The following TCF20 variants were observed in gnomAD, a reference collection of about 807,000 sequenced individuals.
TCF20 encodes the protein SPRE-binding protein.
In TCF20, 3 loss-of-function variants were observed where a neutral mutation model predicts 148.6. The observed-to-expected ratio is 0.02, with a 90% CI of 0.01 to 0.05. The LOEUF is 0.05. TCF20 is among the 10% of genes least tolerant of loss of function. The pLI, the probability that TCF20 is intolerant of heterozygous loss-of-function variation, is 1.00. For synonymous variants in TCF20, 1,049 were observed against 909.5 expected (o/e 1.15, Z -2.76); for missense variants, 2,350 against 2,429.3 (o/e 0.97, Z 0.69).
At chr22:42,257,316 T>C (rs1429864362) in intron 1 of TCF20, among the ~76,000 whole-genome samples, 1 of 152,220 alleles carries the variant, frequency 6.6e-6, no homozygotes, top group African/African-American at 2.4e-5. Context: ...CCCTATTCTT[T>C]ACTGATTTTA....
intron 1 of TCF20, among the ~76,000 whole-genome samples, chr22:42,324,535 G>A (rs1019704912): frequency 2.7e-5 from 4 of 150,820 alleles, no homozygotes; most frequent in South Asian, 2.1e-4. Flanking sequence ...TCCACCAACC[G>A]AGAAAATAAT....
chr22:42,270,940 C>T (rs1372546000), upstream of TCF20, among the ~76,000 whole-genome samples: 2 of 151,926 alleles, frequency 1.3e-5, no homozygotes, highest in East Asian at 1.9e-4. Context: ...GCCTCAGGGC[C>T]GTCTTGGGGG....
At chr22:42,194,387 C>A in intron 2 of TCF20, among the ~76,000 whole-genome samples, 1 of 152,166 alleles carries the variant, frequency 6.6e-6, no homozygotes, top group African/African-American at 2.4e-5. Context: ...CTAAAACCCT[C>A]GCCCTGCCAG....
At chr22:42,293,259 C>G (rs1352010198) in intron 1 of TCF20, among the ~76,000 whole-genome samples, 4 of 152,252 alleles carry the variant, frequency 2.6e-5, no homozygotes, top group Non-Finnish European at 5.9e-5. Flanking sequence ...GTGTGCTCAA[C>G]TGAAACAGGA....
chr22:42,169,175 G>A (rs1474281625), intron 4 of TCF20, among the ~76,000 whole-genome samples: 2 of 151,564 alleles, frequency 1.3e-5, no homozygotes, highest in East Asian at 1.9e-4. Flanking sequence ...AGCCCCTGCA[G>A]GAAACATCAG....
intron 1 of TCF20, among the ~76,000 whole-genome samples, chr22:42,304,900 C>T (rs529987980): frequency 6.6e-6 from 1 of 152,160 alleles, no homozygotes; most frequent in African/African-American, 2.4e-5. Context: ...ACTGGAGTCC[C>T]GTGACCTCCA....
At chr22:42,227,085 C>A (rs1369269486) in intron 1 of TCF20, among the ~76,000 whole-genome samples, 2 of 152,186 alleles carry the variant, frequency 1.3e-5, no homozygotes, top group Non-Finnish European at 2.9e-5. Flanking sequence ...GAGTTCAAGA[C>A]CAGCCTGGCC....
intron 1 of TCF20, among the ~76,000 whole-genome samples, chr22:42,231,523 A>G (rs1005995656): frequency 6.6e-6 from 1 of 152,240 alleles, no homozygotes; most frequent in African/African-American, 2.4e-5. Context: ...ATAGAATAAC[A>G]CAATGACAGA....
Position 42,181,805 on chromosome 22 carries a change from T to C in TCF20, c.5656-2103A>G, listed in dbSNP as rs567487820. 9.3e-4 allele frequency among the ~76,000 whole-genome samples: 141 copies of C among 152,138 alleles called. 1 individual carries two copies. The highest frequency in any genetic ancestry group is 2.9e-3 in the African/African-American group (119 of 41,496). On this transcript the variant is annotated intron_variant, in intron 2 of 5. Transcript: ENST00000677622. ...AAAAAATGTTTTTGTAGAGACAGGG[T>C]CTCACTATGTTGCCCAGGCTGTCCT...
intron 1 of TCF20, among the ~76,000 whole-genome samples, chr22:42,254,486 A>T: frequency 6.6e-6 from 1 of 152,292 alleles, no homozygotes; most frequent in Non-Finnish European, 1.5e-5. Flanking sequence ...TATACTGGGT[A>T]TTGTCCAGCC....
At chr22:42,307,038 TA>T (rs5845532) in intron 1 of TCF20, among the ~76,000 whole-genome samples, 42,973 of 92,758 alleles carry the variant, frequency 0.46, 9,221 homozygotes, top group Middle Eastern at 0.51. Flanking sequence ...GACTCTGTCT[TA>T]AAAAAAAAAA....
intron 1 of TCF20, among the ~76,000 whole-genome samples, chr22:42,228,566 T>G (rs912949634): frequency 1.3e-5 from 2 of 152,248 alleles, no homozygotes; most frequent in Non-Finnish European, 2.9e-5. Flanking sequence ...CCATTCACCA[T>G]CCCTTACAGA....
intron 1 of TCF20, among the ~76,000 whole-genome samples, chr22:42,311,488 G>C (rs569232375): frequency 6.6e-6 from 1 of 152,334 alleles, no homozygotes; most frequent in East Asian, 1.9e-4. Context: ...AGGCTGTGAG[G>C]ATTGGGCCCT....
At chr22:42,306,174 G>A (rs562704485) in intron 1 of TCF20, among the ~76,000 whole-genome samples, 3 of 152,372 alleles carry the variant, frequency 2.0e-5, no homozygotes, top group African/African-American at 4.8e-5. Context: ...AGACGGAGCC[G>A]CTGTGCGCGC....
At chr22:42,323,877 GGT>G (rs1569209632) in intron 1 of TCF20, among the ~76,000 whole-genome samples, 2 of 125,864 alleles carry the variant, frequency 1.6e-5, no homozygotes, top group African/African-American at 5.4e-5. Context: ...TGGTGGTGGT[GGT>G]GGTGATGGAG....
chr22:42,233,544 C>T (rs1923618769), intron 1 of TCF20, among the ~76,000 whole-genome samples: 1 of 152,192 alleles, frequency 6.6e-6, no homozygotes, highest in African/African-American at 2.4e-5. Context: ...CGCACTTTTC[C>T]CTTAACACCT....
intron 1 of TCF20, among the ~76,000 whole-genome samples, chr22:42,341,091 G>C (rs891504031): frequency 6.6e-6 from 1 of 152,108 alleles, no homozygotes; most frequent in South Asian, 2.1e-4. Context: ...CCGGAGGGAC[G>C]GCCCTGCTAG....
chr22:42,241,694 GCA>G (rs1186746527), intron 1 of TCF20, among the ~76,000 whole-genome samples: 1 of 152,016 alleles, frequency 6.6e-6, no homozygotes, highest in East Asian at 1.9e-4. Context: ...AGGTGTAGGG[GCA>G]CACACCTGTG....
In TCF20 at chr22:42,215,114, A is replaced by G. The variant is rs1287490623; in HGVS notation, c.192T>C (p.Ala64=). Residue 64 remains alanine (A), a synonymous_variant, in exon 2 of 6, where the codon GCT becomes GCC. Coordinates refer to ENST00000677622, the MANE Select transcript of TCF20 (RefSeq NM_001378418.1). ...TCTCGCTAGCCATCGCTGCCGCAGC[A>G]GCTGCTGCTCCTCGTCGTCCACCAC... ...GSGGGRRGAA[A]AAAAMASETS... The G allele has an allele frequency of 1.9e-6, 3 of 1,614,076 alleles. No homozygotes were observed. The African/African-American group carries it at 4.0e-5, about 22-fold the overall frequency.
Sources: gnomAD v4.1 joint callset for allele counts (sites outside exome capture counted in the v4.1 genomes callset) on GRCh38, gnomAD v4.1.1 for gene constraint, MANE v1.5 for transcripts, NCBI Gene and HGNC (gene_info 2026-07-23, HGNC 2026-07-21) for gene names.